ACAA1: variants seen among roughly 807,000 people sequenced by gnomAD.
The protein encoded by ACAA1 is acetyl-CoA acyltransferase 1.
ACAA1 carries 44 observed loss-of-function variants against 48.8 expected under a neutral mutation model. The ratio of observed to expected loss-of-function variants is 0.90; its 90% CI spans 0.71 to 1.16. The LOEUF is 1.16. Ranked by LOEUF, ACAA1 falls within the 50% of genes most tolerant of loss-of-function variation. The probability of loss-of-function intolerance (pLI) is 0.00; values close to 1 mark genes in which losing one functional copy is unlikely to be tolerated. For missense variants in ACAA1, 512 were observed against 562.3 expected, an observed-to-expected ratio of 0.91 and a Z score of 0.90; for synonymous variants, 233 against 226.5, an observed-to-expected ratio of 1.03 and a Z score of -0.26.
In ACAA1 at chr3:38,125,605, C is replaced by A; in HGVS notation, c.1159G>T (p.Val387Phe). ...TTCAGCTCATTGAGCAGCGTGATGA[C>A]CTGTCGTGCCCCAGTGCAGCCCAGT... ...HPLGCTGARQ[V>F]ITLLNELKRR... is the part of the protein sequence containing the mutation. Residue 387 changes from valine to phenylalanine, a missense_variant, in exon 11 of 12, where the codon GTC becomes TTC. Transcript: ENST00000333167. 6.3e-7 allele frequency: 1 copy of A among 1,591,760 alleles called. No homozygotes were observed. The highest frequency in any genetic ancestry group is 8.6e-7 in the Non-Finnish European group (1 of 1,168,218).
At chr3:38,124,820 A>G (rs1700641337) in intron 11 of ACAA1, 1 of 152,222 alleles carries the variant, frequency 6.6e-6, no homozygotes, top group Non-Finnish European at 1.5e-5. Context: ...CAAGGCAGAA[A>G]AAAAGTGTGT....
At chr3:38,128,909 T>C (rs1700732585) in intron 6 of ACAA1, among the ~76,000 whole-genome samples, 1 of 152,194 alleles carries the variant, frequency 6.6e-6, no homozygotes, top group South Asian at 2.1e-4. Flanking sequence ...CATACTTTTC[T>C]TGTTGCACCT....
At chr3:38,136,496 TC>T in intron 2 of ACAA1, 95 bp downstream of exon 2, 3 of 1,344,752 alleles carry the variant, frequency 2.2e-6, no homozygotes, top group Non-Finnish European at 3.2e-6. Flanking sequence ...CCATGGAGGT[TC>T]CCCCAGTGAA....
rs111778077 is a variant in ACAA1, at chr3:38,126,494, C to T, written c.817+16G>A. 98 of 1,614,204 alleles carry T rather than the reference C, an allele frequency of 6.1e-5. No individual in the cohort carries two copies. The African/African-American group carries it at 1.1e-3, about 19-fold the overall frequency. The stretch of plus-strand genomic sequence containing the variant: ...ATGGCCTGCTTTCTCATACCCCTAC[C>T]CCGGACCAGTCTCACCAGCTGTGGT... On this transcript the variant is annotated intron_variant, in intron 8 of 11. Transcript: ENST00000333167. The surrounding 1 kb of genome is among the most constrained non-coding windows in gnomAD (Gnocchi z 4.7).
In ACAA1 at chr3:38,127,791, C is replaced by T; in HGVS notation, c.621G>A (p.Gln207=). The T allele has an allele frequency of 6.2e-7, 1 of 1,614,130 alleles. No homozygotes were observed. The highest frequency in any genetic ancestry group is 8.5e-7 in the Non-Finnish European group (1 of 1,179,972). ...EKQDTFALAS[Q]QKAARAQSKG... ...CCTCCCCAATCAGCACTCACTTCTG[C>T]TGGGAAGCCAGGGCAAAGGTATCCT... Residue 207 remains glutamine (Q), a synonymous_variant, in exon 7 of 12, where the codon CAG becomes CAA. Transcript: ENST00000333167.
chr3:38,134,578 T>A (rs748368716), intron 2 of ACAA1: 1 of 452,966 alleles, frequency 2.2e-6, no homozygotes. Flanking sequence ...TTGTTTCTGC[T>A]TTGAGATGCT....
Position 38,126,218 on chromosome 3 carries a change from G to T in ACAA1, c.941C>A (p.Pro314His), listed in dbSNP as rs973530993. Reference protein sequence around the residue: ...LRSYAVVGVPPDIMGIGPAYA... With the variant: ...LRSYAVVGVPHDIMGIGPAYA... ...GGCAGGTCCAATGCCCATGATGTCA[G>T]GTGGGACCCCAACCACTGCATAAGA... Residue 314 changes from proline (P) to histidine (H), a missense_variant, in exon 9 of 12, where the codon CCT (proline) becomes CAT (histidine). By Grantham distance (77) the Pro-to-His change is moderately conservative. Transcript: ENST00000333167. The surrounding 1 kb of genome is among the most constrained non-coding windows in gnomAD (Gnocchi z 4.7). The T allele has an allele frequency of 3.7e-6, 6 of 1,614,076 alleles. No individual in the cohort carries two copies. The African/African-American group carries it at 5.3e-5, about 14-fold the overall frequency.
intron 2 of ACAA1, chr3:38,134,475 A>G (rs1261026527): frequency 4.4e-6 from 2 of 458,058 alleles, no homozygotes; most frequent in Admixed American, 2.4e-5. Context: ...GGCTGGACTG[A>G]AGATTGTGGG....
chr3:38,132,118 A>G, intron 3 of ACAA1, 113 bp from the exon 4 acceptor site: 2 of 906,172 alleles, frequency 2.2e-6, no homozygotes, highest in Non-Finnish European at 3.4e-6. Flanking sequence ...GGGCAGGGGA[A>G]CAAACCCAGC....
At position 38,126,459 on chromosome 3, in the gene ACAA1, C is replaced by T; in HGVS notation, c.817+51G>A. 6.2e-7 allele frequency: 1 copy of T among 1,613,648 alleles called. No individual in the cohort carries two copies. The highest frequency in any genetic ancestry group is 1.3e-5 in the African/African-American group (1 of 75,046). ...TTCCAGGTTCCCAGAGTACAGCACC[C>T]AGCATGGCCATGGCCTGCTTTCTCA... On this transcript the variant is annotated intron_variant, in intron 8 of 11. Coordinates refer to ENST00000333167, the MANE Select transcript of ACAA1 (RefSeq NM_001607.4). The surrounding 1 kb of genome is among the most constrained non-coding windows in gnomAD (Gnocchi z 4.7).
intron 6 of ACAA1, among the ~76,000 whole-genome samples, chr3:38,128,246 C>A (rs1700718231): frequency 6.6e-6 from 1 of 152,180 alleles, no homozygotes; most frequent in African/African-American, 2.4e-5. Flanking sequence ...TAGTTGGCTA[C>A]TCCTGGCCAG....
At chr3:38,132,777 G>A (rs549589941) in intron 3 of ACAA1, among the ~76,000 whole-genome samples, 4 of 152,264 alleles carry the variant, frequency 2.6e-5, no homozygotes, top group African/African-American at 7.2e-5. Context: ...CTGAACTAGT[G>A]CCCAGGCCAG....
chr3:38,127,637 A>G, intron 7 of ACAA1, 149 bp downstream of exon 7: 1 of 717,076 alleles, frequency 1.4e-6, no homozygotes, highest in Non-Finnish European at 2.5e-6. Context: ...GACACTTCCT[A>G]CTTCCCACCC....
At chr3:38,128,843 G>A (rs763355363) in intron 6 of ACAA1, among the ~76,000 whole-genome samples, 2 of 152,070 alleles carry the variant, frequency 1.3e-5, no homozygotes, top group East Asian at 1.9e-4. Flanking sequence ...CACCCATCTC[G>A]GCCTCCCAAA....
At position 38,137,070 on chromosome 3, in the gene ACAA1, C is replaced by G. The variant is rs749152223; in HGVS notation, c.-35G>C. The G allele has an allele frequency of 2.0e-6, 3 of 1,496,952 alleles. No homozygotes were observed. Among genetic ancestry groups the G allele is most frequent in the African/African-American group, 2.9e-5 (2 of 68,516 alleles). The allele number at this position is 1,496,952 out of a possible 1,614,324, so 92.7% of individuals were successfully genotyped here. The stretch of plus-strand genomic sequence containing the variant: ...CAACCCTGCAGACCAGCCACCAGTC[C>G]GGGAACTGACCGCGGAGTTAACAGA... On this transcript the variant is annotated 5_prime_UTR_variant, in exon 1 of 12. Transcript: ENST00000333167.
chr3:38,128,078 C>T (rs1700714473), intron 6 of ACAA1, among the ~76,000 whole-genome samples: 1 of 152,238 alleles, frequency 6.6e-6, no homozygotes, highest in African/African-American at 2.4e-5. Flanking sequence ...GGGAAGTCAG[C>T]AATGCTGGCC....
rs2125765166 is a variant in ACAA1 at position 38,126,491 on chromosome 3, T to C, written c.817+19A>G. Reference sequence around the variant, plus strand: ...GCCATGGCCTGCTTTCTCATACCCCTACCCCGGACCAGTCTCACCAGCTGT... The same window carrying C: ...GCCATGGCCTGCTTTCTCATACCCCCACCCCGGACCAGTCTCACCAGCTGT... On this transcript the variant is annotated intron_variant, in intron 8 of 11. Coordinates refer to ENST00000333167, the MANE Select transcript of ACAA1 (RefSeq NM_001607.4). This position sits in a 1 kb window ranked among gnomAD's most constrained non-coding sequence, Gnocchi z 4.7. 2.5e-6 allele frequency: 4 copies of C among 1,614,184 alleles called. No individual in the cohort carries two copies. Among genetic ancestry groups the C allele is most frequent in the Non-Finnish European group, 3.4e-6 (4 of 1,180,032 alleles).
chr3:38,124,517 G>A (rs999621216), intron 11 of ACAA1: 2 of 152,138 alleles, frequency 1.3e-5, no homozygotes, highest in Admixed American at 6.5e-5. Flanking sequence ...TGAGGTGGGA[G>A]GATTGCTTGA....
chr3:38,127,670 T>C (rs1700705324), intron 7 of ACAA1, 116 bp downstream of exon 7: 2 of 1,063,910 alleles, frequency 1.9e-6, no homozygotes, highest in East Asian at 4.9e-5. Flanking sequence ...GCACAAGGCC[T>C]GGAAAGCACT....
Sources: gnomAD v4.1 joint callset for allele counts (sites outside exome capture counted in the v4.1 genomes callset) on GRCh38, gnomAD v4.1.1 for gene constraint, Gnocchi (gnomAD v3.1) non-coding constraint, MANE v1.5 for transcripts, NCBI Gene and HGNC (gene_info 2026-07-23, HGNC 2026-07-21) for gene names.